REG4: variants seen among roughly 807,000 people sequenced by gnomAD.
The protein encoded by REG4 is regenerating islet-derived protein 4.
Under a neutral mutation model 22.3 loss-of-function variants are expected in REG4, and 16 were observed. That is an observed-to-expected ratio of 0.72 (90% confidence interval 0.49 to 1.09). The LOEUF is 1.09. Among genes scored for constraint, REG4 ranks in the 50% least tolerant of loss-of-function variants. The pLI, the probability that REG4 is intolerant of heterozygous loss-of-function variation, is 0.00. For synonymous variants in REG4, 71 were observed against 69.2 expected, an observed-to-expected ratio of 1.03 and a Z score of -0.13; for missense variants, 214 against 193.9, an observed-to-expected ratio of 1.10 and a Z score of -0.61.
chr1:119,808,994 A>G (rs1052524784), intron 1 of REG4, 131 bp from the exon 2 acceptor site: 6 of 482,774 alleles, frequency 1.2e-5, no homozygotes, highest in Non-Finnish European at 7.3e-6. Context: ...AGTTAGATGT[A>G]CAGGTTAGAA....
intron 2 of REG4, among the ~76,000 whole-genome samples, chr1:119,808,032 A>G (rs587721046): frequency 3.6e-4 from 55 of 152,324 alleles, no homozygotes; most frequent in Non-Finnish European, 6.2e-4. Context: ...ACTTAATCTT[A>G]CTGTGTGACA....
At chr1:119,799,331 G>C (rs941848380) in intron 4 of REG4, among the ~76,000 whole-genome samples, 6 of 151,656 alleles carry the variant, frequency 4.0e-5, no homozygotes, top group Non-Finnish European at 8.8e-5. Flanking sequence ...AAAAAAAAAG[G>C]CTAGCTGAAA....
chr1:119,794,717 T>G, intron 5 of REG4, 32 bp from the exon 6 acceptor site: 2 of 1,588,710 alleles, frequency 1.3e-6, no homozygotes, highest in Non-Finnish European at 1.7e-6. Context: ...TTTAAATCCA[T>G]TCAGTACTAT....
chr1:119,808,698 C>A lies in REG4; in HGVS notation c.67+5G>T. 1 of 1,610,726 alleles carries A rather than the reference C, an allele frequency of 6.2e-7. No individual in the cohort carries two copies. Among genetic ancestry groups the A allele is most frequent in the South Asian group, 1.1e-5 (1 of 90,956 alleles). On this transcript the variant is annotated splice_donor_5th_base_variant and intron_variant, in intron 2 of 5. Coordinates refer to ENST00000256585, the MANE Select transcript of REG4 (RefSeq NM_032044.4). ...CTCAGTTCCAGCTACGTGATGGATA[C>A]TCACCACCCAGGACTCCTGTTTTGG...
Position 119,811,399 on chromosome 1 carries a change from G to A in REG4, c.-95+10C>T, listed in dbSNP as rs1245834203. 6.6e-6 allele frequency: 1 copy of A among 151,880 alleles called. No homozygotes were observed. Among genetic ancestry groups the A allele is most frequent in the African/African-American group, 2.4e-5 (1 of 41,238 alleles). 9.4% of individuals were successfully genotyped at this position (151,880 alleles called of 1,614,324 possible). On this transcript the variant is annotated intron_variant, in intron 1 of 5. Transcript: ENST00000256585. Reference sequence around the variant, plus strand: ...GAAAGTCCCCCATCATCAACCGCGAGGAGGATTACCTGTTTGGCAACCAAG... The same window carrying A: ...GAAAGTCCCCCATCATCAACCGCGAAGAGGATTACCTGTTTGGCAACCAAG...
chr1:119,797,514 C>T (rs1299925553), intron 5 of REG4, among the ~76,000 whole-genome samples: 5 of 152,236 alleles, frequency 3.3e-5, no homozygotes, highest in Non-Finnish European at 7.3e-5. Context: ...CTCCCTACCC[C>T]AGCCCAATAG....
At chr1:119,804,034 A>G (rs910187198) in intron 2 of REG4, among the ~76,000 whole-genome samples, 2 of 152,218 alleles carry the variant, frequency 1.3e-5, no homozygotes, top group African/African-American at 4.8e-5. Context: ...GTGCCATGTC[A>G]CTGAATCTGA....
At chr1:119,798,432 C>T in intron 5 of REG4, 65 bp downstream of exon 5, 3 of 1,301,670 alleles carry the variant, frequency 2.3e-6, no homozygotes, top group Non-Finnish European at 3.3e-6. Flanking sequence ...TATTTTTGTG[C>T]TTACTAGGTA....
At chr1:119,807,468 A>G (rs1023252860) in intron 2 of REG4, among the ~76,000 whole-genome samples, 20 of 152,224 alleles carry the variant, frequency 1.3e-4, no homozygotes, top group African/African-American at 4.1e-4. Context: ...AGATGGTTGT[A>G]TCACATTCCC....
In REG4 at chr1:119,794,415, G is replaced by A. The variant is rs1653867705; in HGVS notation, c.*203C>T. On this transcript the variant is annotated 3_prime_UTR_variant, in exon 6 of 6. Transcript: ENST00000256585. The stretch of plus-strand genomic sequence containing the variant: ...GAAGGATACTGTGGAAAGGGATGGC[G>A]GGGCAAACATTTAGAGCTAGAAGCC... The A allele has an allele frequency of 9.4e-6, 6 of 639,274 alleles. No individual in the cohort carries two copies. The East Asian group carries it at 1.1e-4, about 11-fold the overall frequency. 39.6% of individuals were successfully genotyped at this position (639,274 alleles called of 1,614,324 possible).
chr1:119,803,666 C>G (rs369875597), intron 2 of REG4, among the ~76,000 whole-genome samples: 2 of 152,148 alleles, frequency 1.3e-5, no homozygotes, highest in East Asian at 3.8e-4. Context: ...CAGTGAAGGT[C>G]AAATAACTAT....
intron 2 of REG4, among the ~76,000 whole-genome samples, chr1:119,805,583 ACTCT>A (rs1308161284): frequency 1.4e-5 from 2 of 147,426 alleles, no homozygotes; most frequent in African/African-American, 5.0e-5. Context: ...GACAATCATG[ACTCT>A]CTCTCTTCTC....
intron 2 of REG4, among the ~76,000 whole-genome samples, chr1:119,805,865 G>T (rs899483850): frequency 1.3e-5 from 2 of 151,652 alleles, no homozygotes; most frequent in African/African-American, 4.9e-5. Context: ...TGCAAGTTGC[G>T]GCTGTGGCCG....
At chr1:119,795,512 C>CA (rs1489383467) in intron 5 of REG4, among the ~76,000 whole-genome samples, 1 of 152,218 alleles carries the variant, frequency 6.6e-6, no homozygotes, top group Middle Eastern at 3.2e-3. Flanking sequence ...AGGTGAGATC[C>CA]AACTATTTCC....
rs374219092 is a variant in REG4, at chr1:119,794,620, A to G, written c.475T>C (p.Ter159GlnextTer47). 1.9e-6 allele frequency: 3 copies of G among 1,613,710 alleles called. No homozygotes were observed. The highest frequency in any genetic ancestry group is 2.7e-5 in the African/African-American group (2 of 74,926). The change falls in exon 6 of 6, where the codon TAG becomes CAG. Residue 159 changes from the stop codon to glutamine, a stop_lost. Coordinates refer to ENST00000256585, the MANE Select transcript of REG4 (RefSeq NM_032044.4). Reference protein sequence around the residue: ...RQHFLCKYRP* With the variant: ...RQHFLCKYRPQ Reference sequence around the variant, plus strand: ...TTAGCAGAATCTTGATTCTTGCTCTATGGTCGGTACTTGCACAGGAAGTGT... The same window carrying G: ...TTAGCAGAATCTTGATTCTTGCTCTGTGGTCGGTACTTGCACAGGAAGTGT...
At chr1:119,808,613 A>T in intron 2 of REG4, 90 bp downstream of exon 2, 1 of 917,256 alleles carries the variant, frequency 1.1e-6, no homozygotes, top group Non-Finnish European at 1.7e-6. Context: ...GCAGTTCCTA[A>T]ATGTTTTTGT....
intron 2 of REG4, among the ~76,000 whole-genome samples, chr1:119,807,956 C>T (rs150853082): frequency 4.9e-4 from 75 of 152,330 alleles, no homozygotes; most frequent in African/African-American, 1.7e-3. Flanking sequence ...TCTTCACTCA[C>T]TCTTACATGT....
At chr1:119,810,915 G>A (rs1030303645) in intron 1 of REG4, among the ~76,000 whole-genome samples, 29 of 152,086 alleles carry the variant, frequency 1.9e-4, no homozygotes, top group African/African-American at 6.3e-4. Context: ...TTAGCTGGGC[G>A]TGGTGGCAAG....
rs755543630 is a variant in REG4 at position 119,798,513 on chromosome 1, C to G, written c.393G>C (p.Glu131Asp). The change falls in exon 5 of 6, where the codon GAG becomes GAC. Residue 131 changes from glutamate to aspartate, a missense_variant. Glu to Asp is a conservative substitution (Grantham distance 45). Coordinates refer to ENST00000256585, the MANE Select transcript of REG4 (RefSeq NM_032044.4). ...KSMGGNKHCAEMSSNNNFLTW... is the reference protein window; with the variant it reads ...KSMGGNKHCADMSSNNNFLTW... ...ATAACTTACTGTTATTGGAGCTCAT[C>G]TCAGCACAGTGCTTGTTCCCACCCA... The G allele has an allele frequency of 6.2e-7, 1 of 1,614,008 alleles. No homozygotes were observed. Among genetic ancestry groups the G allele is most frequent in the South Asian group, 1.1e-5 (1 of 91,082 alleles).
Sources: gnomAD v4.1 joint callset for allele counts (sites outside exome capture counted in the v4.1 genomes callset) on GRCh38, gnomAD v4.1.1 for gene constraint, MANE v1.5 for transcripts, NCBI Gene and HGNC (gene_info 2026-07-23, HGNC 2026-07-21) for gene names.